AGBL1: variants seen among roughly 807,000 people sequenced by gnomAD.
The protein encoded by AGBL1 is AGBL carboxypeptidase 1.
In AGBL1, 130 loss-of-function variants were observed where a neutral mutation model predicts 118.9. That is an observed-to-expected ratio of 1.09 (90% CI 0.95 to 1.26). The LOEUF (loss-of-function observed/expected upper bound fraction) is 1.26. Among genes scored for constraint, AGBL1 ranks in the 50% most tolerant of loss-of-function variants. The probability of loss-of-function intolerance (pLI) is 0.00; values close to 1 mark genes in which losing one functional copy is unlikely to be tolerated. For synonymous variants in AGBL1, 555 were observed against 478.9 expected (o/e 1.16, Z -2.08); for missense variants, 1,584 against 1,298.1 (o/e 1.22, Z -3.38).
chr15:86,460,559 A>C (rs1277274096), intron 18 of AGBL1, among the ~76,000 whole-genome samples: 1 of 152,086 alleles, frequency 6.6e-6, no homozygotes, highest in Admixed American at 6.6e-5. Flanking sequence ...CTTGTTAAAC[A>C]TACAGCTTCC....
chr15:86,787,594 C>A (rs2078431740), intron 22 of AGBL1, among the ~76,000 whole-genome samples: 1 of 152,074 alleles, frequency 6.6e-6, no homozygotes, highest in Admixed American at 6.6e-5. Flanking sequence ...TCAGGATCTT[C>A]TTTTTTAATG....
In AGBL1 at chr15:86,271,642, G is replaced by A. The variant is rs1276599858; in HGVS notation, c.2011G>A (p.Val671Met). The change falls in exon 15 of 23, where the codon GTG becomes ATG. Residue 671 changes from valine to methionine, a missense_variant. Transcript: ENST00000614907. ...NYGMQPTLYS[V>M]KEALLGKPTW... is the part of the protein sequence containing the mutation. ...AGGGATGCAGCCCACCCTATATTCT[G>A]TGAAGGAGGCTCTTCTTGGCAAACC... 15 of 1,612,664 alleles carry A rather than the reference G, an allele frequency of 9.3e-6. No individual in the cohort carries two copies. The highest frequency in any genetic ancestry group is 1.2e-5 in the Non-Finnish European group (14 of 1,178,850).
intron 18 of AGBL1, among the ~76,000 whole-genome samples, chr15:86,448,227 C>T (rs1372182188): frequency 1.3e-5 from 2 of 152,178 alleles, no homozygotes; most frequent in African/African-American, 4.8e-5. Context: ...AAGCAAAGCT[C>T]ATCATGGGCC....
At chr15:86,431,904 A>G (rs746337819) in intron 18 of AGBL1, among the ~76,000 whole-genome samples, 2 of 152,144 alleles carry the variant, frequency 1.3e-5, no homozygotes, top group Non-Finnish European at 2.9e-5. Context: ...TCCCTCCAGC[A>G]GACCTGAACA....
At chr15:86,720,449 A>G (rs1184283880) in intron 22 of AGBL1, among the ~76,000 whole-genome samples, 2 of 152,226 alleles carry the variant, frequency 1.3e-5, no homozygotes, top group Non-Finnish European at 1.5e-5. Flanking sequence ...AAAGTTCTCA[A>G]GTATTCCTTC....
At chr15:86,290,866 G>A (rs2079534468) in intron 16 of AGBL1, among the ~76,000 whole-genome samples, 1 of 150,726 alleles carries the variant, frequency 6.6e-6, no homozygotes, top group Non-Finnish European at 1.5e-5. Flanking sequence ...ACAGTCCCTA[G>A]AGTGTGATGT....
intron 22 of AGBL1, among the ~76,000 whole-genome samples, chr15:86,737,904 T>C (rs1434046328): frequency 8.3e-6 from 1 of 121,174 alleles, no homozygotes; most frequent in Non-Finnish European, 1.9e-5. Context: ...CAAAATGCTA[T>C]CAAATCAAAT....
intron 22 of AGBL1, among the ~76,000 whole-genome samples, chr15:86,796,224 C>T (rs1453269795): frequency 6.6e-6 from 1 of 152,202 alleles, no homozygotes. Context: ...TTCCACCTCA[C>T]ACTGGGAAAA....
chr15:86,624,311 G>A (rs1437809511), intron 21 of AGBL1, among the ~76,000 whole-genome samples: 1 of 152,212 alleles, frequency 6.6e-6, no homozygotes, highest in Non-Finnish European at 1.5e-5. Context: ...TAGATCAAAT[G>A]TAATACAACA....
intron 17 of AGBL1, among the ~76,000 whole-genome samples, chr15:86,379,362 A>G (rs2081082690): frequency 1.3e-5 from 2 of 152,280 alleles, no homozygotes; most frequent in East Asian, 1.9e-4. Flanking sequence ...CATTATTTCC[A>G]TCTTTCTAAA....
intron 17 of AGBL1, among the ~76,000 whole-genome samples, chr15:86,328,251 T>A (rs2080215898): frequency 6.6e-6 from 1 of 152,028 alleles, no homozygotes. Context: ...AACTACAGGA[T>A]CAAAATAACC....
intron 20 of AGBL1, among the ~76,000 whole-genome samples, chr15:86,548,633 A>G (rs145923823): frequency 2.0e-5 from 3 of 149,918 alleles, no homozygotes; most frequent in East Asian, 4.0e-4. Context: ...TTTTACCAAC[A>G]GAAGGATAGC....
At chr15:86,114,843 A>C (rs1897657000) in intron 1 of AGBL1, among the ~76,000 whole-genome samples, 1 of 152,174 alleles carries the variant, frequency 6.6e-6, no homozygotes, top group African/African-American at 2.4e-5. Context: ...CCAACGCTAC[A>C]AGTCTGTTTC....
At chr15:86,125,672 A>G (rs1462147839) in intron 1 of AGBL1, among the ~76,000 whole-genome samples, 1 of 152,132 alleles carries the variant, frequency 6.6e-6, no homozygotes, top group African/African-American at 2.4e-5. Context: ...ATAATTTAAA[A>G]CTCATCCCTC....
chr15:86,925,016 C>T (rs4887247), intron 23 of AGBL1, among the ~76,000 whole-genome samples: 82,927 of 150,878 alleles, frequency 0.55, 23,330 homozygotes, highest in East Asian at 0.65. Flanking sequence ...AAAGGAGAAT[C>T]GCTTGAACCC....
intron 18 of AGBL1, among the ~76,000 whole-genome samples, chr15:86,408,907 G>A (rs533416200): frequency 6.6e-6 from 1 of 152,116 alleles, no homozygotes; most frequent in South Asian, 2.1e-4. Context: ...AAGTAGGGGT[G>A]GAGGTCTCAG....
In AGBL1 at chr15:86,120,558, G is replaced by A. The variant is rs1597420146; in HGVS notation, c.52-21446G>A. 2.0e-5 allele frequency among the ~76,000 whole-genome samples: 3 copies of A among 152,302 alleles called. No homozygotes were observed. The East Asian group carries it at 5.8e-4, about 29-fold the overall frequency. On this transcript the variant is annotated intron_variant, in intron 1 of 22. Transcript: ENST00000614907. ...CACAAGGTGCATGGGTAGATGCAGT[G>A]GCTGTGAACCACCTCCACTGCACAA...
intron 1 of AGBL1, among the ~76,000 whole-genome samples, chr15:86,092,308 A>G (rs937183889): frequency 6.6e-6 from 1 of 152,212 alleles, no homozygotes; most frequent in African/African-American, 2.4e-5. Flanking sequence ...ACAAATAGTT[A>G]TAAAGCATTA....
intron 22 of AGBL1, among the ~76,000 whole-genome samples, chr15:86,781,885 C>T (rs2078341500): frequency 7.2e-6 from 1 of 139,082 alleles, no homozygotes; most frequent in Admixed American, 7.3e-5. Context: ...AGGTTTTGCC[C>T]ATTTTTTTTT....
Sources: allele counts gnomAD v4.1 joint callset (sites outside exome capture counted in the v4.1 genomes callset), GRCh38; gene constraint gnomAD v4.1.1; transcripts MANE v1.5; gene names NCBI Gene and HGNC (gene_info 2026-07-23, HGNC 2026-07-21).